Variants in FYB1 observed in about 807,000 individuals in gnomAD.
FYB1 encodes FYN binding protein 1, also known as FYN-binding protein 1.
FYB1 carries 41 observed loss-of-function variants against 94.1 expected under a neutral mutation model. The ratio of observed to expected loss-of-function variants is 0.44; its 90% CI spans 0.34 to 0.57. FYB1 has a LOEUF of 0.57. Ranked by LOEUF, FYB1 falls within the 20% of genes least tolerant of loss-of-function variation. The pLI is 0.02. For missense variants in FYB1, 1,050 were observed against 976.8 expected (o/e 1.07, Z -1.00); for synonymous variants, 367 against 353.2 (o/e 1.04, Z -0.44).
In FYB1 at chr5:39,203,595, C is replaced by T. The variant is rs116655944; in HGVS notation, c.-27-608G>A. Among the ~76,000 whole-genome samples the T allele has an allele frequency of 3.3e-3, 500 of 152,128 alleles. 4 individuals are homozygous for T. The highest frequency in any genetic ancestry group is 0.011 in the African/African-American group (464 of 41,498). ...TTATAAGTAAGTAATAAAATGACTT[C>T]TTCTCCTTATTTGTAATTATTTAGC... On this transcript the variant is annotated intron_variant, in intron 1 of 18. Coordinates refer to ENST00000512982, the MANE Select transcript of FYB1 (RefSeq NM_001465.6).
chr5:39,213,716 T>C (rs1749619042), intron 1 of FYB1, among the ~76,000 whole-genome samples: 1 of 152,054 alleles, frequency 6.6e-6, no homozygotes, highest in Admixed American at 6.5e-5. Flanking sequence ...TATTAGGGCT[T>C]TTTTAGCCCA....
intron 1 of FYB1, among the ~76,000 whole-genome samples, chr5:39,208,593 T>A (rs1749065787): frequency 6.6e-6 from 1 of 152,072 alleles, no homozygotes; most frequent in South Asian, 2.1e-4. Flanking sequence ...AGGACCCCAG[T>A]ACAGTGACAT....
rs142581840 is a variant in FYB1 at position 39,266,809 on chromosome 5, T to C, written c.-28+7594A>G. ...CACTTTCTGAAAGTAGGAAAACTCA[T>C]AGTGACCATAGCAGAAGCAGACATG... On this transcript the variant is annotated intron_variant, in intron 1 of 1. Transcript: ENST00000510188. Among the ~76,000 whole-genome samples the C allele has an allele frequency of 1.4e-3, 210 of 152,234 alleles. 1 individual carries two copies. In the South Asian group the frequency reaches 0.028, roughly 20 times the overall value.
In FYB1 at chr5:39,151,659, A is replaced by G. The variant is rs73089171; in HGVS notation, c.1292+1789T>C. On this transcript the variant is annotated intron_variant, in intron 3 of 18. Transcript: ENST00000512982. The stretch of plus-strand genomic sequence containing the variant: ...CAGGGGTCTTTGTTTGTTTACTAAT[A>G]TTTCCTGAACTCCTATTACAAAAGC... 1.9e-3 allele frequency among the ~76,000 whole-genome samples: 292 copies of G among 152,290 alleles called. 1 individual carries two copies. The highest frequency in any genetic ancestry group is 6.6e-3 in the African/African-American group (274 of 41,550).
At chr5:39,200,616 GGAAGACA>G (rs1748223635) in intron 2 of FYB1, among the ~76,000 whole-genome samples, 1 of 152,198 alleles carries the variant, frequency 6.6e-6, no homozygotes, top group Non-Finnish European at 1.5e-5. Flanking sequence ...GAACCTTTCT[GGAAGACA>G]GATGGTCATG....
chr5:39,167,079 C>T (rs991538743), intron 2 of FYB1, among the ~76,000 whole-genome samples: 1 of 151,936 alleles, frequency 6.6e-6, no homozygotes, highest in Non-Finnish European at 1.5e-5. Flanking sequence ...CGGTTTTTGC[C>T]ATTACTTTTG....
At chr5:39,154,101 A>G (rs1221812347) in intron 2 of FYB1, among the ~76,000 whole-genome samples, 1 of 152,102 alleles carries the variant, frequency 6.6e-6, no homozygotes, top group Admixed American at 6.5e-5. Flanking sequence ...CATCCTTTAC[A>G]TCAATAAGAT....
At chr5:39,135,134 A>T in intron 7 of FYB1, 120 bp from the exon 8 acceptor site, 1 of 1,093,920 alleles carries the variant, frequency 9.1e-7, no homozygotes. Flanking sequence ...CAACATTTAC[A>T]GGGTTTAACC....
chr5:39,261,223 G>T (rs1752192965), intron 1 of FYB1, among the ~76,000 whole-genome samples: 1 of 151,446 alleles, frequency 6.6e-6, no homozygotes, highest in Admixed American at 6.6e-5. Context: ...GTCAATAGGT[G>T]CAGCAAACCA....
At chr5:39,125,847 A>G (rs1255521332) in intron 12 of FYB1, 151 bp downstream of exon 12, 9 of 692,380 alleles carry the variant, frequency 1.3e-5, no homozygotes, top group Admixed American at 3.1e-5. Context: ...AGGTGACACC[A>G]TAAACGGGGC....
chr5:39,267,066 A>C (rs1181708684), intron 1 of FYB1, among the ~76,000 whole-genome samples: 2 of 152,036 alleles, frequency 1.3e-5, no homozygotes, highest in Non-Finnish European at 1.5e-5. Flanking sequence ...AAAATTACTT[A>C]CTCTCTACAA....
At chr5:39,159,278 C>T (rs1744034250) in intron 2 of FYB1, among the ~76,000 whole-genome samples, 2 of 152,178 alleles carry the variant, frequency 1.3e-5, no homozygotes, top group Non-Finnish European at 2.9e-5. Context: ...CTTTTATTTT[C>T]TCTGGGCCAG....
chr5:39,148,155 T>TATA (rs1332920550), intron 3 of FYB1, among the ~76,000 whole-genome samples: 187 of 37,544 alleles, frequency 5.0e-3, no homozygotes, highest in Middle Eastern at 0.022. Context: ...TATGTATTTT[T>TATA]TATATATATA....
chr5:39,128,852 C>T (rs1740916644), intron 10 of FYB1, among the ~76,000 whole-genome samples: 2 of 152,072 alleles, frequency 1.3e-5, no homozygotes, highest in African/African-American at 2.4e-5. Context: ...TGCATGGTTT[C>T]CCATGCTCAC....
intron 1 of FYB1, among the ~76,000 whole-genome samples, chr5:39,237,899 T>C (rs1308047378): frequency 1.3e-5 from 2 of 152,154 alleles, no homozygotes; most frequent in African/African-American, 2.4e-5. Flanking sequence ...TAGATTCGTA[T>C]GAACCTGTTT....
chr5:39,182,559 C>T (rs1746359221), intron 2 of FYB1, among the ~76,000 whole-genome samples: 1 of 152,004 alleles, frequency 6.6e-6, no homozygotes, highest in African/African-American at 2.4e-5. Flanking sequence ...TAAGTGTGAC[C>T]CATGCAGGTA....
At chr5:39,172,985 T>G (rs1397423528) in intron 2 of FYB1, among the ~76,000 whole-genome samples, 1 of 152,204 alleles carries the variant, frequency 6.6e-6, no homozygotes, top group Non-Finnish European at 1.5e-5. Context: ...ATTGCTGGGT[T>G]GAATGGTAGT....
chr5:39,218,034 G>A (rs1750008640), intron 1 of FYB1, among the ~76,000 whole-genome samples: 1 of 152,186 alleles, frequency 6.6e-6, no homozygotes, highest in Non-Finnish European at 1.5e-5. Context: ...GAAATCAGCT[G>A]CTGCGAGCTT....
rs112207059 is a variant in FYB1 at position 39,227,324 on chromosome 5, A to C, written c.-27-24337T>G. Among the ~76,000 whole-genome samples, 250 of 152,332 alleles carry C rather than the reference A, an allele frequency of 1.6e-3. 3 individuals carry two copies. Among genetic ancestry groups the C allele is most frequent in the Middle Eastern group, 0.014 (4 of 294 alleles). ...GAGAAATTTCAATATGGGCAATTAAATGTTATGAAATTATTATTTTTCATA... is the reference window on the plus strand; with the variant it reads ...GAGAAATTTCAATATGGGCAATTAACTGTTATGAAATTATTATTTTTCATA... On this transcript the variant is annotated intron_variant, in intron 1 of 1. Coordinates refer to the FYB1 transcript ENST00000510188.
Sources: gnomAD v4.1 joint callset for allele counts (sites outside exome capture counted in the v4.1 genomes callset) on GRCh38, gnomAD v4.1.1 for gene constraint, MANE v1.5 for transcripts, NCBI Gene and HGNC (gene_info 2026-07-23, HGNC 2026-07-21) for gene names.